The following BRAF variants were observed in gnomAD, a reference collection of about 807,000 sequenced individuals.
BRAF encodes the protein B-Raf proto-oncogene, serine/threonine kinase.
Under a neutral mutation model 104.6 loss-of-function variants are expected in BRAF, and 16 were observed. That is an observed-to-expected ratio of 0.15 (90% CI 0.10 to 0.23). The LOEUF (loss-of-function observed/expected upper bound fraction) is 0.23. Among genes scored for constraint, BRAF ranks in the 10% least tolerant of loss-of-function variants. BRAF has a pLI of 1.00. For synonymous variants in BRAF, 310 were observed against 341.6 expected, an observed-to-expected ratio of 0.91 and a Z score of 1.02; for missense variants, 541 against 937.3, an observed-to-expected ratio of 0.58 and a Z score of 5.52.
At chr7:140,827,900 A>AT (rs1420679880) in intron 3 of BRAF, among the ~76,000 whole-genome samples, 2 of 152,064 alleles carry the variant, frequency 1.3e-5, no homozygotes, top group African/African-American at 4.8e-5. Context: ...AATTTTATTT[A>AT]TTTATTTTTT....
At position 140,924,843 on chromosome 7, in the gene BRAF, C is replaced by A; in HGVS notation, c.-140G>T. 6.8e-6 allele frequency: 2 copies of A among 295,684 alleles called. No individual in the cohort carries two copies. Among genetic ancestry groups the A allele is most frequent in the Non-Finnish European group, 1.2e-5 (2 of 164,592 alleles). 18.3% of individuals were successfully genotyped at this position (295,684 alleles called of 1,614,324 possible). A position where few individuals can be genotyped will look rare whatever the true frequency, so the allele number is the denominator to read the frequency against. On this transcript the variant is annotated 5_prime_UTR_variant, in exon 1 of 20. Coordinates refer to ENST00000644969, the MANE Select transcript of BRAF (RefSeq NM_001374258.1). The surrounding 1 kb of genome is among the most constrained non-coding windows in gnomAD (Gnocchi z 4.2). ...GGGGCGCGGGGAGGAGCGGCCCGGG[C>A]GGCGCCGCGGGCGGAGGGCGCCTGG...
chr7:140,898,555 T>C (rs2129126100), intron 1 of BRAF, among the ~76,000 whole-genome samples: 1 of 152,346 alleles, frequency 6.6e-6, no homozygotes, highest in Admixed American at 6.5e-5. Context: ...GAGATAAATT[T>C]TCCCTTTATT....
At chr7:140,716,346 G>C (rs943087249), downstream of BRAF, among the ~76,000 whole-genome samples, 2 of 152,152 alleles carry the variant, frequency 1.3e-5, no homozygotes, top group African/African-American at 4.8e-5. Flanking sequence ...TTTGTAGAAT[G>C]GATTAAAAAG....
chr7:140,808,572 T>C (rs545938730), intron 4 of BRAF, among the ~76,000 whole-genome samples: 1 of 152,070 alleles, frequency 6.6e-6, no homozygotes, highest in South Asian at 2.1e-4. Flanking sequence ...TGTGAAACTA[T>C]GAGTTTGTAT....
At chr7:140,814,660 A>T (rs1346321690) in intron 3 of BRAF, among the ~76,000 whole-genome samples, 2 of 148,438 alleles carry the variant, frequency 1.3e-5, no homozygotes, top group Non-Finnish European at 3.0e-5. Context: ...GTGAGACTCC[A>T]TCTCAAAAAA....
At chr7:140,838,624 T>C (rs1189589428) in intron 2 of BRAF, among the ~76,000 whole-genome samples, 3 of 152,158 alleles carry the variant, frequency 2.0e-5, no homozygotes, top group African/African-American at 7.2e-5. Flanking sequence ...AAAATTCATA[T>C]GGAAATACAA....
chr7:140,910,912 G>A (rs574715601), intron 1 of BRAF, among the ~76,000 whole-genome samples: 5 of 152,020 alleles, frequency 3.3e-5, no homozygotes, highest in Non-Finnish European at 5.9e-5. Flanking sequence ...CAGTCGTCCC[G>A]CCTCAGCCTC....
intron 1 of BRAF, among the ~76,000 whole-genome samples, chr7:140,916,368 G>A (rs1817635817): frequency 6.6e-6 from 1 of 152,172 alleles, no homozygotes; most frequent in Non-Finnish European, 1.5e-5. Context: ...GAAACATAAT[G>A]ATTTAATGAT....
rs1042242038 is a variant in BRAF at position 140,723,166 on chromosome 7, T to G, written c.*3328A>C. On this transcript the variant is annotated 3_prime_UTR_variant, in exon 20 of 20. Transcript: ENST00000644969. The stretch of plus-strand genomic sequence containing the variant: ...GGTTTGCAAGCAGCTGGCGGGTGGA[T>G]GTACAGTGGGGACAGGTGAGATCTG... 3.9e-5 allele frequency: 41 copies of G among 1,053,402 alleles called. No homozygotes were observed. Among genetic ancestry groups the G allele is most frequent in the African/African-American group, 5.0e-5 (3 of 60,314 alleles). 65.3% of individuals were successfully genotyped at this position (1,053,402 alleles called of 1,614,324 possible).
At chr7:140,799,867 C>T in intron 7 of BRAF, 1 of 292,232 alleles carries the variant, frequency 3.4e-6, no homozygotes. Flanking sequence ...ACTTCTATAC[C>T]TAATAAAAGA....
At chr7:140,849,125 A>G (rs1190794485) in intron 2 of BRAF, among the ~76,000 whole-genome samples, 1 of 152,148 alleles carries the variant, frequency 6.6e-6, no homozygotes, top group African/African-American at 2.4e-5. Flanking sequence ...TTTTATAAAG[A>G]AAGGGTGTGT....
At position 140,789,486 on chromosome 7, in the gene BRAF, C is replaced by T. The variant is rs536439536; in HGVS notation, c.1141-1902G>A. ...TTAATGTATCATATAAAGTCTTCAA[C>T]ATTTTCTACAGAAAAATCAAATACG... On this transcript the variant is annotated intron_variant, in intron 8 of 19. Transcript: ENST00000644969. Among the ~76,000 whole-genome samples, 5 of 152,232 alleles carry T rather than the reference C, an allele frequency of 3.3e-5. No homozygotes were observed. In the East Asian group the frequency reaches 9.6e-4, roughly 29 times the overall value.
rs1190665955 is a variant in BRAF at position 140,884,427 on chromosome 7, ATATGTGTGTGTGTGTGTGTGTGTG to A, written c.139-34239_139-34216del. 8.3e-3 allele frequency among the ~76,000 whole-genome samples: 957 copies of A among 114,662 alleles called. 12 individuals are homozygous for A. The highest frequency in any genetic ancestry group is 0.029 in the African/African-American group (906 of 31,038). 75.2% of individuals were successfully genotyped at this position (114,662 alleles called of 152,430 possible). A position where few individuals can be genotyped will look rare whatever the true frequency, so the allele number is the denominator to read the frequency against. ...TCAGGATCTCTTATATATATATAAG[ATATGTGTGTGTGTGTGTGTGTGTG>A]TGTGTGTGTGTGTGTGTGTGTGTGT... On this transcript the variant is annotated intron_variant, in intron 1 of 19. Transcript: ENST00000644969.
intron 17 of BRAF, 33 bp downstream of exon 16, chr7:140,749,254 T>C (rs1797593269): frequency 1.2e-6 from 2 of 1,609,790 alleles, no homozygotes; most frequent in East Asian, 4.5e-5. Flanking sequence ...ATATAGACGG[T>C]AAAATAAACA....
chr7:140,837,186 T>C (rs914833308), intron 2 of BRAF, among the ~76,000 whole-genome samples: 3 of 152,204 alleles, frequency 2.0e-5, no homozygotes, highest in African/African-American at 7.2e-5. Flanking sequence ...AATTACTCTT[T>C]TAACACTGCC....
At chr7:140,821,059 A>G (rs1322645405) in intron 3 of BRAF, among the ~76,000 whole-genome samples, 1 of 152,000 alleles carries the variant, frequency 6.6e-6, no homozygotes, top group Non-Finnish European at 1.5e-5. Context: ...GGAGTGCAGC[A>G]GCACAATCAT....
At chr7:140,743,489 C>T (rs965793569) in intron 17 of BRAF, among the ~76,000 whole-genome samples, 37 of 152,114 alleles carry the variant, frequency 2.4e-4, no homozygotes, top group Admixed American at 5.2e-4. Context: ...AACCAAACAC[C>T]GCATATTCTC....
rs951159069 is a variant in BRAF at position 140,725,134 on chromosome 7, G to C, written c.*1360C>G. On this transcript the variant is annotated 3_prime_UTR_variant, in exon 20 of 20. Coordinates refer to ENST00000644969, the MANE Select transcript of BRAF (RefSeq NM_001374258.1). Reference sequence around the variant, plus strand: ...CCAGGCTTGGGAAAAAAGGAAGAAGGAGAATGAATGGAGACGCCACCATTT... The same window carrying C: ...CCAGGCTTGGGAAAAAAGGAAGAAGCAGAATGAATGGAGACGCCACCATTT... 1 of 1,041,962 alleles carries C rather than the reference G, an allele frequency of 9.6e-7. No homozygotes were observed. Among genetic ancestry groups the C allele is most frequent in the Non-Finnish European group, 1.2e-6 (1 of 864,640 alleles). The allele number at this position is 1,041,962 out of a possible 1,614,324, so 64.5% of individuals were successfully genotyped here.
Position 140,798,262 on chromosome 7 carries a change from C to CTTTTTTTTCCTTTT in BRAF, c.980+2099_980+2100insAAAAGGAAAAAAAA, listed in dbSNP as rs1554402845. Among the ~76,000 whole-genome samples, 4 of 32,622 alleles carry CTTTTTTTTCCTTTT rather than the reference C, an allele frequency of 1.2e-4. 1 individual carries two copies. Among genetic ancestry groups the CTTTTTTTTCCTTTT allele is most frequent in the East Asian group, 8.4e-4 (1 of 1,188 alleles). 21.4% of individuals were successfully genotyped at this position (32,622 alleles called of 152,430 possible). ...TCTAGGACAGAATGCTGTATGGGGA[C>CTTTTTTTTCCTTTT]TTTTTTTTTCTTTTTTTTGAGACGG... On this transcript the variant is annotated intron_variant, in intron 7 of 19. Transcript: ENST00000644969.
Sources: gnomAD v4.1 joint callset for allele counts (sites outside exome capture counted in the v4.1 genomes callset) on GRCh38, gnomAD v4.1.1 for gene constraint, Gnocchi (gnomAD v3.1) non-coding constraint, MANE v1.5 for transcripts, NCBI Gene and HGNC (gene_info 2026-07-23, HGNC 2026-07-21) for gene names.